Variants in DLG2 observed in about 807,000 individuals in gnomAD.
The protein encoded by DLG2 is discs large MAGUK scaffold protein 2, also known as disks large homolog 2.
DLG2 carries 45 observed loss-of-function variants against 132.5 expected under a neutral mutation model. The observed-to-expected ratio is 0.34, with a 90% CI of 0.27 to 0.44. The LOEUF is 0.44. Ranked by LOEUF, DLG2 falls within the 20% of genes least tolerant of loss-of-function variation. DLG2 has a pLI of 1.00. For synonymous variants in DLG2, 424 were observed against 419.6 expected (o/e 1.01, Z -0.13); for missense variants, 1,045 against 1,196.9 (o/e 0.87, Z 1.87).
At chr11:84,011,639 A>G (rs1392525908) in intron 11 of DLG2, among the ~76,000 whole-genome samples, 1 of 152,048 alleles carries the variant, frequency 6.6e-6, no homozygotes, top group Non-Finnish European at 1.5e-5. Context: ...AAAGCTCTGC[A>G]TCTAATAATA....
At chr11:84,589,504 G>A (rs992653033) in intron 6 of DLG2, among the ~76,000 whole-genome samples, 5 of 151,996 alleles carry the variant, frequency 3.3e-5, no homozygotes. Context: ...AGGGGTGGGA[G>A]GAGGAGAACA....
intron 6 of DLG2, among the ~76,000 whole-genome samples, chr11:85,010,835 C>T (rs2059093292): frequency 6.6e-6 from 1 of 152,094 alleles, no homozygotes; most frequent in African/African-American, 2.4e-5. Flanking sequence ...AAAACAAAAA[C>T]CATCCACTCA....
At chr11:85,415,261 T>TGTTG (rs1565458137) in intron 3 of DLG2, among the ~76,000 whole-genome samples, 49 of 152,140 alleles carry the variant, frequency 3.2e-4, no homozygotes, top group African/African-American at 1.1e-3. Flanking sequence ...GTCTAACATT[T>TGTTG]ATGGGCATTT....
intron 18 of DLG2, among the ~76,000 whole-genome samples, chr11:83,774,662 C>G (rs2094518780): frequency 6.6e-6 from 1 of 152,112 alleles, no homozygotes; most frequent in Non-Finnish European, 1.5e-5. Flanking sequence ...TTGACCCTCT[C>G]AGGGATAGTT....
chr11:85,501,129 C>A (rs926001673), intron 3 of DLG2, among the ~76,000 whole-genome samples: 1 of 151,976 alleles, frequency 6.6e-6, no homozygotes, highest in Non-Finnish European at 1.5e-5. Context: ...TCTACCACCA[C>A]CTGATCTTTG....
chr11:83,613,935 A>G (rs539428322), intron 19 of DLG2, among the ~76,000 whole-genome samples: 1 of 152,310 alleles, frequency 6.6e-6, no homozygotes, highest in East Asian at 1.9e-4. Flanking sequence ...AAGGTTTTGA[A>G]GAGCTCTACA....
chr11:84,085,152 C>A (rs542806092), intron 10 of DLG2, among the ~76,000 whole-genome samples: 37 of 152,130 alleles, frequency 2.4e-4, no homozygotes, highest in African/African-American at 8.4e-4. Flanking sequence ...TTAGACCTTT[C>A]TAAATAATGA....
intron 8 of DLG2, 26 bp from the exon 9 acceptor site, chr11:84,163,537 A>C: frequency 1.3e-6 from 2 of 1,577,998 alleles, no homozygotes; most frequent in Non-Finnish European, 8.7e-7. Flanking sequence ...AAATAAGAAG[A>C]GAACTATTAA....
intron 6 of DLG2, among the ~76,000 whole-genome samples, chr11:84,885,516 A>C (rs1473961044): frequency 6.6e-6 from 1 of 152,010 alleles, no homozygotes; most frequent in Non-Finnish European, 1.5e-5. Context: ...AATGTTTTGT[A>C]ATGTTTTATA....
chr11:84,050,654 T>C (rs79004734), intron 11 of DLG2, among the ~76,000 whole-genome samples: 3,429 of 152,206 alleles, frequency 0.023, 70 homozygotes, highest in Middle Eastern at 0.034. Context: ...GTTTTAGGTC[T>C]AACATTTAAG....
intron 6 of DLG2, among the ~76,000 whole-genome samples, chr11:84,641,518 A>G (rs1429353557): frequency 1.6e-4 from 24 of 152,078 alleles, no homozygotes; most frequent in Admixed American, 1.6e-3. Context: ...GAAAAACTGC[A>G]TGTTTCCGGG....
At chr11:84,437,812 G>A (rs2099005448) in intron 7 of DLG2, 1 of 152,466 alleles carries the variant, frequency 6.6e-6, no homozygotes, top group South Asian at 2.1e-4. Flanking sequence ...TGTGTGTCAG[G>A]AGGAAGGGAA....
chr11:83,472,717 G>T lies in DLG2; in HGVS notation c.2344+10C>A. ...AGAAATTAGGAATGAAAGCGTGCTGGGAAACTTACTTTCCTGCCTTGTAAC... is the reference window on the plus strand; with the variant it reads ...AGAAATTAGGAATGAAAGCGTGCTGTGAAACTTACTTTCCTGCCTTGTAAC... On this transcript the variant is annotated intron_variant, in intron 23 of 27. Transcript: ENST00000376104. 1 of 1,610,328 alleles carries T rather than the reference G, an allele frequency of 6.2e-7. No homozygotes were observed. Among genetic ancestry groups the T allele is most frequent in the Non-Finnish European group, 8.5e-7 (1 of 1,178,122 alleles).
At chr11:84,874,442 G>A (rs941877934) in intron 6 of DLG2, among the ~76,000 whole-genome samples, 2 of 152,134 alleles carry the variant, frequency 1.3e-5, no homozygotes, top group African/African-American at 4.8e-5. Context: ...GAGAGAGAGA[G>A]GGATTGGCCT....
intron 6 of DLG2, among the ~76,000 whole-genome samples, chr11:84,749,002 C>T (rs892587950): frequency 1.3e-5 from 2 of 152,048 alleles, no homozygotes; most frequent in Non-Finnish European, 2.9e-5. Flanking sequence ...CACCCAATCT[C>T]TAATAAAATA....
At chr11:84,727,999 A>T (rs952441802) in intron 6 of DLG2, among the ~76,000 whole-genome samples, 1 of 152,162 alleles carries the variant, frequency 6.6e-6, no homozygotes, top group Non-Finnish European at 1.5e-5. Context: ...CTGGACTGAG[A>T]CGATGGGGTT....
intron 6 of DLG2, among the ~76,000 whole-genome samples, chr11:84,721,304 G>A (rs1004034209): frequency 2.0e-5 from 3 of 152,150 alleles, no homozygotes; most frequent in East Asian, 1.9e-4. Flanking sequence ...CTGGTTCAGC[G>A]AGCCTACTCA....
chr11:84,603,758 T>A (rs1327657719), intron 6 of DLG2, among the ~76,000 whole-genome samples: 1 of 152,136 alleles, frequency 6.6e-6, no homozygotes, highest in East Asian at 1.9e-4. Flanking sequence ...AATTCAGTCA[T>A]TTTATAAACA....
intron 11 of DLG2, among the ~76,000 whole-genome samples, chr11:84,024,909 C>A (rs540158894): frequency 1.3e-5 from 2 of 151,678 alleles, no homozygotes; most frequent in South Asian, 4.2e-4. Context: ...ATGTTCTCAC[C>A]ACAAGGCATG....
Sources: gnomAD v4.1 joint callset for allele counts (sites outside exome capture counted in the v4.1 genomes callset) on GRCh38, gnomAD v4.1.1 for gene constraint, MANE v1.5 for transcripts, NCBI Gene and HGNC (gene_info 2026-07-23, HGNC 2026-07-21) for gene names.